RBM47: variants seen among roughly 807,000 people sequenced by gnomAD.
The protein encoded by RBM47 is RNA binding motif protein 47, also known as RNA-binding protein 47.
A neutral mutation model predicts 47.1 loss-of-function variants in RBM47; 21 were observed. The ratio of observed to expected loss-of-function variants is 0.45; its 90% CI spans 0.32 to 0.64. RBM47 has a LOEUF of 0.64. Among genes scored for constraint, RBM47 ranks in the 30% least tolerant of loss-of-function variants. RBM47 has a pLI of 0.05. For synonymous variants in RBM47, 375 were observed against 361.7 expected, an observed-to-expected ratio of 1.04 and a Z score of -0.42; for missense variants, 708 against 870.9, an observed-to-expected ratio of 0.81 and a Z score of 2.35.
intron 2 of RBM47, among the ~76,000 whole-genome samples, chr4:40,471,261 C>T (rs1378056762): frequency 6.6e-6 from 1 of 152,140 alleles, no homozygotes; most frequent in Admixed American, 6.6e-5. Context: ...TTACACAAGA[C>T]ACAACATTTG....
intron 2 of RBM47, among the ~76,000 whole-genome samples, chr4:40,474,486 T>C (rs1264515237): frequency 6.6e-6 from 1 of 152,228 alleles, no homozygotes; most frequent in Non-Finnish European, 1.5e-5. Flanking sequence ...GATGCAAGTC[T>C]TTTTAAATGA....
At chr4:40,584,215 C>A (rs1315166280) in intron 1 of RBM47, among the ~76,000 whole-genome samples, 1 of 152,132 alleles carries the variant, frequency 6.6e-6, no homozygotes, top group Non-Finnish European at 1.5e-5. Flanking sequence ...TCTCCTGCTC[C>A]GGCCTCCCAA....
chr4:40,496,798 G>C (rs2154248617), intron 2 of RBM47, among the ~76,000 whole-genome samples: 1 of 152,286 alleles, frequency 6.6e-6, no homozygotes, highest in East Asian at 1.9e-4. Context: ...CCAGCACTTT[G>C]GGAGGCAAAG....
Position 40,573,279 on chromosome 4 carries a change from A to T in RBM47, c.-239-28773T>A, listed in dbSNP as rs1228685436. On this transcript the variant is annotated intron_variant, in intron 1 of 6. Coordinates refer to ENST00000295971, the MANE Select transcript of RBM47 (RefSeq NM_001098634.2). ...TGCATTTTTTAAAGACATTAATTCC[A>T]GTTATCCCTGGTACTGGGACTGCAG... is the stretch of plus-strand genomic sequence containing the variant. Among the ~76,000 whole-genome samples the T allele has an allele frequency of 3.3e-5, 5 of 151,932 alleles. No individual in the cohort carries two copies. In the East Asian group the frequency reaches 9.6e-4, roughly 29 times the overall value.
At chr4:40,581,930 T>C (rs934863585) in intron 1 of RBM47, among the ~76,000 whole-genome samples, 1 of 151,960 alleles carries the variant, frequency 6.6e-6, no homozygotes, top group African/African-American at 2.4e-5. Context: ...GCTGACCTCA[T>C]TATCTCCCCC....
Position 40,424,251 on chromosome 4 carries a change from AT to A in RBM47, c.*1652del, listed in dbSNP as rs1166257559. 4 of 152,652 alleles carry A rather than the reference AT, an allele frequency of 2.6e-5. No individual in the cohort carries two copies. Among genetic ancestry groups the A allele is most frequent in the Non-Finnish European group, 5.9e-5 (4 of 68,050 alleles). The allele number at this position is 152,652 out of a possible 1,614,324, so 9.5% of individuals were successfully genotyped here. ...AAATTGTATGGATCTCTAACATGAC[AT>A]AAAAACGCAACTGCGTTTTACTTGC... On this transcript the variant is annotated 3_prime_UTR_variant, in exon 7 of 7. Coordinates refer to ENST00000295971, the MANE Select transcript of RBM47 (RefSeq NM_001098634.2).
chr4:40,551,917 G>A (rs1729603821), intron 1 of RBM47, among the ~76,000 whole-genome samples: 1 of 151,932 alleles, frequency 6.6e-6, no homozygotes, highest in Non-Finnish European at 1.5e-5. Flanking sequence ...CCAAAGCGCT[G>A]GGAATTACAG....
At chr4:40,454,846 C>A (rs1434947205) in intron 3 of RBM47, among the ~76,000 whole-genome samples, 1 of 152,166 alleles carries the variant, frequency 6.6e-6, no homozygotes, top group Non-Finnish European at 1.5e-5. Flanking sequence ...TAACTTGACC[C>A]AACTTACAGA....
chr4:40,558,572 A>T (rs1200864880), intron 1 of RBM47, among the ~76,000 whole-genome samples: 1 of 151,134 alleles, frequency 6.6e-6, no homozygotes, highest in Non-Finnish European at 1.5e-5. Flanking sequence ...TCATGCTTGT[A>T]ATCCCAGCAC....
chr4:40,544,141 T>C (rs1294870935), intron 2 of RBM47: 3 of 152,338 alleles, frequency 2.0e-5, no homozygotes, highest in African/African-American at 7.2e-5. Context: ...GACATTTTCA[T>C]GAAATCAGTA....
intron 3 of RBM47, 53 bp from the exon 4 acceptor site, chr4:40,438,977 T>G: frequency 8.5e-6 from 12 of 1,411,004 alleles, no homozygotes; most frequent in East Asian, 2.5e-5. Context: ...TTGCCTCTTT[T>G]GGGTTGTGTT....
intron 2 of RBM47, among the ~76,000 whole-genome samples, chr4:40,534,925 A>G (rs1280317390): frequency 1.2e-4 from 16 of 135,584 alleles, no homozygotes. Context: ...ATGGAGCAAG[A>G]CTCCGTCTCA....
chr4:40,591,565 G>A (rs961627027), intron 1 of RBM47, among the ~76,000 whole-genome samples: 2 of 152,060 alleles, frequency 1.3e-5, no homozygotes, highest in Admixed American at 6.6e-5. Context: ...GTGGTGGCAT[G>A]ACCTTGCAAT....
At position 40,629,547 on chromosome 4, in the gene RBM47, T is replaced by G. The variant is rs1435981931; in HGVS notation, c.-391A>C. 1 of 152,102 alleles carries G rather than the reference T, an allele frequency of 6.6e-6. No homozygotes were observed. Among genetic ancestry groups the G allele is most frequent in the Non-Finnish European group, 1.5e-5 (1 of 68,040 alleles). 9.4% of individuals were successfully genotyped at this position (152,102 alleles called of 1,614,324 possible). On this transcript the variant is annotated 5_prime_UTR_variant, in exon 1 of 7. Transcript: ENST00000295971. The stretch of plus-strand genomic sequence containing the variant: ...ACCAAAATAAGGAGTGTCCAGCGAC[T>G]CCCCACCGCGCCGCTTAAAGCAACA...
At chr4:40,539,935 G>A (rs2154261545) in intron 2 of RBM47, among the ~76,000 whole-genome samples, 1 of 152,094 alleles carries the variant, frequency 6.6e-6, no homozygotes, top group East Asian at 1.9e-4. Flanking sequence ...CTTTTCAAAT[G>A]CAACTTGCAT....
chr4:40,433,871 CAAGTA>C (rs1402627895), intron 5 of RBM47, among the ~76,000 whole-genome samples: 6 of 152,142 alleles, frequency 3.9e-5, no homozygotes, highest in African/African-American at 1.4e-4. Flanking sequence ...AGAATTTCTG[CAAGTA>C]AAGTCCAAAA....
chr4:40,465,300 A>G (rs550187943), intron 3 of RBM47, among the ~76,000 whole-genome samples: 3 of 152,180 alleles, frequency 2.0e-5, no homozygotes, highest in South Asian at 2.1e-4. Flanking sequence ...TCTTTCTCCT[A>G]TCTTCCCTTC....
intron 1 of RBM47, among the ~76,000 whole-genome samples, chr4:40,546,963 A>C (rs1045731303): frequency 2.0e-5 from 3 of 152,346 alleles, no homozygotes; most frequent in Non-Finnish European, 4.4e-5. Context: ...TGGCATTCTG[A>C]CTAAATGTTA....
intron 3 of RBM47, among the ~76,000 whole-genome samples, chr4:40,446,230 T>C (rs116166025): frequency 2.2e-3 from 342 of 152,296 alleles, no homozygotes; most frequent in African/African-American, 7.8e-3. Context: ...AGTGTCTATA[T>C]GGTATACGAC....
Sources: gnomAD v4.1 joint callset for allele counts (sites outside exome capture counted in the v4.1 genomes callset) on GRCh38, gnomAD v4.1.1 for gene constraint, MANE v1.5 for transcripts, NCBI Gene and HGNC (gene_info 2026-07-23, HGNC 2026-07-21) for gene names.